Variants in GALNT14 observed in about 807,000 individuals in gnomAD.
GALNT14 encodes the protein UDP-GalNAc:polypeptide N-acetylgalactosaminyltransferase 14.
Under a neutral mutation model 77.5 loss-of-function variants are expected in GALNT14, and 60 were observed. The ratio of observed to expected loss-of-function variants is 0.77; its 90% CI spans 0.63 to 0.96. The LOEUF is 0.96. Ranked by LOEUF, GALNT14 falls within the 40% of genes least tolerant of loss-of-function variation. The probability of loss-of-function intolerance (pLI) is 0.00; values close to 1 mark genes in which losing one functional copy is unlikely to be tolerated. For missense variants in GALNT14, 710 were observed against 731.0 expected (o/e 0.97, Z 0.33); for synonymous variants, 280 against 281.7 (o/e 0.99, Z 0.06).
At chr2:31,125,286 G>T (rs1558585249) in intron 1 of GALNT14, 2 of 1,471,808 alleles carry the variant, frequency 1.4e-6, no homozygotes, top group Non-Finnish European at 1.9e-6. Context: ...GAGCAACATG[G>T]TCATTTCTTT....
intron 4 of GALNT14, among the ~76,000 whole-genome samples, chr2:30,957,926 A>G (rs965398279): frequency 6.6e-6 from 1 of 152,248 alleles, no homozygotes; most frequent in East Asian, 1.9e-4. Flanking sequence ...TTTGATGCAC[A>G]GTGTCTGGTA....
intron 9 of GALNT14, among the ~76,000 whole-genome samples, chr2:30,939,700 G>A (rs769153191): frequency 8.5e-5 from 13 of 152,140 alleles, no homozygotes; most frequent in African/African-American, 1.2e-4. Flanking sequence ...AGAAGGCGAC[G>A]GATGTGAGTG....
chr2:31,009,341 T>C (rs1358500095), intron 1 of GALNT14, among the ~76,000 whole-genome samples: 1 of 152,180 alleles, frequency 6.6e-6, no homozygotes, highest in African/African-American at 2.4e-5. Context: ...TGTCTCTCTG[T>C]TTCAGAATAC....
At chr2:31,025,470 C>A (rs1370785853) in intron 1 of GALNT14, among the ~76,000 whole-genome samples, 1 of 152,094 alleles carries the variant, frequency 6.6e-6, no homozygotes, top group Non-Finnish European at 1.5e-5. Flanking sequence ...AAGGAGGCCA[C>A]TGGAATTGTC....
At chr2:30,928,108 G>A (rs186651815) in intron 11 of GALNT14, among the ~76,000 whole-genome samples, 20 of 152,284 alleles carry the variant, frequency 1.3e-4, no homozygotes, top group African/African-American at 4.8e-4. Flanking sequence ...GTTCTGATGA[G>A]GACTGAAAAT....
At chr2:31,052,606 C>G (rs939245008) in intron 1 of GALNT14, among the ~76,000 whole-genome samples, 8 of 152,152 alleles carry the variant, frequency 5.3e-5, no homozygotes, top group Admixed American at 1.3e-4. Context: ...GCCCTCAGCT[C>G]ACCACTGACC....
intron 1 of GALNT14, chr2:31,114,847 A>G (rs1678023039): frequency 2.8e-6 from 2 of 716,442 alleles, no homozygotes; most frequent in Non-Finnish European, 5.2e-6. Context: ...AAAGATAAGG[A>G]GAAAATGTCA....
chr2:30,927,707 C>G lies in GALNT14; in HGVS notation c.1151+1688G>C, dbSNP rs75829087. Among the ~76,000 whole-genome samples, 114 of 152,276 alleles carry G rather than the reference C, an allele frequency of 7.5e-4. 2 individuals carry two copies. The East Asian group carries it at 0.022, about 29-fold the overall frequency. On this transcript the variant is annotated intron_variant, in intron 11 of 14. Coordinates refer to ENST00000349752, the MANE Select transcript of GALNT14 (RefSeq NM_024572.4). ...TCATCTGTAAAACAGAAGGTGTCAT[C>G]TGCTGCCAGCGAAAGAGGGGGGTGG...
At chr2:31,050,368 T>G (rs4951962) in intron 1 of GALNT14, among the ~76,000 whole-genome samples, 113,484 of 151,998 alleles carry the variant, frequency 0.75, 42,649 homozygotes, top group East Asian at 1. Context: ...AGCCCTGGGT[T>G]AGGCCTCTGA....
the GALNT14 span, among the ~76,000 whole-genome samples, chr2:30,901,667 A>T: frequency 6.6e-6 from 1 of 151,862 alleles, no homozygotes; most frequent in Non-Finnish European, 1.5e-5. Flanking sequence ...ATATATGTGT[A>T]TGTATATATG....
At position 30,932,148 on chromosome 2, in the gene GALNT14, G is replaced by T; in HGVS notation, c.978C>A (p.Val326=). The T allele has an allele frequency of 6.4e-7, 1 of 1,568,822 alleles. No homozygotes were observed. Among genetic ancestry groups the T allele is most frequent in the Non-Finnish European group, 8.6e-7 (1 of 1,157,612 alleles). The change falls in exon 10 of 15, where the codon GTC becomes GTA. Residue 326 remains valine (V), a synonymous_variant. Coordinates refer to ENST00000349752, the MANE Select transcript of GALNT14 (RefSeq NM_024572.4). The stretch of plus-strand genomic sequence containing the variant: ...AGACGTGCCCCACTCGGCTGCAGGG[G>T]ACGATCTCTAGGCTGCCCCCGCACA... The part of the protein sequence containing the change: ...VWMCGGSLEI[V]PCSRVGHVFR...
At chr2:30,977,084 T>A (rs892249972) in intron 2 of GALNT14, among the ~76,000 whole-genome samples, 1 of 147,426 alleles carries the variant, frequency 6.8e-6, no homozygotes, top group Non-Finnish European at 1.5e-5. Flanking sequence ...CCATATTGGC[T>A]TTTCTGTCTT....
intron 1 of GALNT14, among the ~76,000 whole-genome samples, chr2:31,107,072 T>C (rs1415514441): frequency 1.3e-5 from 2 of 152,228 alleles, no homozygotes; most frequent in Non-Finnish European, 2.9e-5. Context: ...GTATGTTATA[T>C]CTCAACAAAC....
At chr2:31,098,241 T>C (rs1677093497) in intron 1 of GALNT14, among the ~76,000 whole-genome samples, 1 of 152,148 alleles carries the variant, frequency 6.6e-6, no homozygotes, top group Non-Finnish European at 1.5e-5. Context: ...ATAATGCTGA[T>C]TTTACCTGCA....
At chr2:31,079,190 G>T in intron 1 of GALNT14, 1 of 530,132 alleles carries the variant, frequency 1.9e-6, no homozygotes, top group Non-Finnish European at 2.8e-6. Flanking sequence ...GTGGAAGTTG[G>T]CTGGACAAGA....
chr2:30,915,437 G>A (rs772498954), intron 13 of GALNT14, among the ~76,000 whole-genome samples: 6 of 152,124 alleles, frequency 3.9e-5, no homozygotes, highest in Non-Finnish European at 5.9e-5. Flanking sequence ...ACTTAGCCTC[G>A]TCATGTCCCA....
rs201681309 is a variant in GALNT14, at chr2:31,057,236, C to A, written c.130-64229G>T. On this transcript the variant is annotated intron_variant, in intron 1 of 14. Transcript: ENST00000349752. The stretch of plus-strand genomic sequence containing the variant: ...TTGTATCCCAAACCTCACCATCACA[C>A]AATATACTCCATGCAGCAAACCTGC... Among the ~76,000 whole-genome samples the A allele has an allele frequency of 4.1e-4, 61 of 149,780 alleles. 1 individual carries two copies. The East Asian group carries it at 0.011, about 27-fold the overall frequency.
chr2:31,013,239 T>C (rs918198900), intron 1 of GALNT14, among the ~76,000 whole-genome samples: 1 of 151,868 alleles, frequency 6.6e-6, no homozygotes, highest in African/African-American at 2.4e-5. Flanking sequence ...GAGAAACAGA[T>C]GGAACACACA....
At chr2:30,889,159 T>C in the GALNT14 span, among the ~76,000 whole-genome samples, 1 of 152,112 alleles carries the variant, frequency 6.6e-6, no homozygotes, top group African/African-American at 2.4e-5. Flanking sequence ...TCTGTCTAGA[T>C]AGGGACTGTG....
Sources: allele counts gnomAD v4.1 joint callset (sites outside exome capture counted in the v4.1 genomes callset), GRCh38; gene constraint gnomAD v4.1.1; transcripts MANE v1.5; gene names NCBI Gene and HGNC (gene_info 2026-07-23, HGNC 2026-07-21).